Variants in CSTF2T observed in about 807,000 individuals in gnomAD.
CSTF2T encodes cleavage stimulation factor subunit 2 tau variant.
CSTF2T carries 18 observed loss-of-function variants against 39.9 expected under a neutral mutation model. The ratio of observed to expected loss-of-function variants is 0.45; its 90% CI spans 0.31 to 0.67. CSTF2T has a LOEUF of 0.67. Ranked by LOEUF, CSTF2T falls within the 30% of genes least tolerant of loss-of-function variation. CSTF2T has a pLI of 0.06. For synonymous variants in CSTF2T, 291 were observed against 276.4 expected (o/e 1.05, Z -0.52); for missense variants, 681 against 789.0 (o/e 0.86, Z 1.64).
Position 51,695,983 on chromosome 10 carries a change from A to G in CSTF2T, c.*1716T>C, listed in dbSNP as rs1356527289. The G allele has an allele frequency of 6.6e-6, 1 of 152,166 alleles. No homozygotes were observed. Among genetic ancestry groups the G allele is most frequent in the African/African-American group, 2.4e-5 (1 of 41,430 alleles). The allele number at this position is 152,166 out of a possible 1,614,324, so 9.4% of individuals were successfully genotyped here. A position where few individuals can be genotyped will look rare whatever the true frequency, so the allele number is the denominator to read the frequency against. Reference sequence around the variant, plus strand: ...TTATGATACCAACATTTATGTTCACATCCTCAAGGCTTTATTTTCAAGAAA... The same window carrying G: ...TTATGATACCAACATTTATGTTCACGTCCTCAAGGCTTTATTTTCAAGAAA... On this transcript the variant is annotated 3_prime_UTR_variant, in exon 1 of 1. Coordinates refer to ENST00000331173, the MANE Select transcript of CSTF2T (RefSeq NM_015235.3).
rs148622678 is a variant in CSTF2T at position 51,698,300 on chromosome 10, G to A, written c.1250C>T (p.Ala417Val). 3.5e-5 allele frequency: 57 copies of A among 1,614,000 alleles called. No individual in the cohort carries two copies. In the African/African-American group the frequency reaches 4.7e-4, roughly 13 times the overall value. The part of the protein sequence containing the change: ...MDGRGGRDSR[A>V]METRAMETEV... ...AGTTTCCATGGCACGAGTCTCCATC[G>A]CTCGAGAATCTCTACCACCTCTACC... The change falls in exon 1 of 1, where the codon GCG (alanine) becomes GTG (valine). Residue 417 changes from alanine to valine, a missense_variant. Ala to Val is a moderately conservative substitution (Grantham distance 64). This residue lies in a region of CSTF2T where 282 missense variants were observed against 289.2 expected (regional missense o/e 0.98). Coordinates refer to ENST00000331173, the MANE Select transcript of CSTF2T (RefSeq NM_015235.3).
chr10:51,698,194 G>A lies in CSTF2T; in HGVS notation c.1356C>T (p.Gly452=). 1 of 1,614,050 alleles carries A rather than the reference G, an allele frequency of 6.2e-7. No homozygotes were observed. Among genetic ancestry groups the A allele is most frequent in the Non-Finnish European group, 8.5e-7 (1 of 1,180,000 alleles). The part of the protein sequence containing the change: ...AMETRGMEAR[G]MDARGLEMRG... ...TCATCTCCAATCCTCTTGCATCCATGCCCCTTGCTTCCATCCCTCTGGTTT... is the reference window on the plus strand; with the variant it reads ...TCATCTCCAATCCTCTTGCATCCATACCCCTTGCTTCCATCCCTCTGGTTT... Residue 452 remains glycine, a synonymous_variant, in exon 1 of 1, where the codon GGC becomes GGT. Coordinates refer to ENST00000331173, the MANE Select transcript of CSTF2T (RefSeq NM_015235.3).
Position 51,696,336 on chromosome 10 carries a change from A to T in CSTF2T, c.*1363T>A, listed in dbSNP as rs1841292179. The T allele has an allele frequency of 6.6e-6, 1 of 152,028 alleles. No homozygotes were observed. The highest frequency in any genetic ancestry group is 1.5e-5 in the Non-Finnish European group (1 of 68,016). 9.4% of individuals were successfully genotyped at this position (152,028 alleles called of 1,614,324 possible). A position where few individuals can be genotyped will look rare whatever the true frequency, so the allele number is the denominator to read the frequency against. On this transcript the variant is annotated 3_prime_UTR_variant, in exon 1 of 1. Transcript: ENST00000331173. The stretch of plus-strand genomic sequence containing the variant: ...GAAAGCCAGATACCAAGAAACTGAG[A>T]GTTTTACTTAGTGAAACCTTCCACT...
At position 51,697,561 on chromosome 10, in the gene CSTF2T, G is replaced by A; in HGVS notation, c.*138C>T. The A allele has an allele frequency of 1.1e-5, 9 of 852,520 alleles. No individual in the cohort carries two copies. Among genetic ancestry groups the A allele is most frequent in the Admixed American group, 2.9e-5 (1 of 34,018 alleles). The allele number at this position is 852,520 out of a possible 1,614,324, so 52.8% of individuals were successfully genotyped here. ...AAAGGAAAACAGAAAGAAAGAAAAA[G>A]AACAAAAAATAAGATTAGGTTCTAG... On this transcript the variant is annotated 3_prime_UTR_variant, in exon 1 of 1. Transcript: ENST00000331173.
At position 51,697,765 on chromosome 10, in the gene CSTF2T, G is replaced by A. The variant is rs1454317507; in HGVS notation, c.1785C>T (p.Pro595=). 1 of 1,614,074 alleles carries A rather than the reference G, an allele frequency of 6.2e-7. No homozygotes were observed. The highest frequency in any genetic ancestry group is 1.7e-5 in the Admixed American group (1 of 60,016). ...TCAGGATACTCTGCCTTTGCTCAGG[G>A]GGCAGCATGGCAATCTGATCTGCAG... The part of the protein sequence containing the change: ...QLTADQIAML[P]PEQRQSILIL... The change falls in exon 1 of 1, where the codon CCC becomes CCT. Residue 595 remains proline, a synonymous_variant. Transcript: ENST00000331173.
chr10:51,698,890 CCCAGGGCCAGGG>C lies in CSTF2T; in HGVS notation c.648_659del (p.Pro217_Gly220del), dbSNP rs575311852. On this transcript the variant is annotated inframe_deletion, in exon 1 of 1. Coordinates refer to ENST00000331173, the MANE Select transcript of CSTF2T (RefSeq NM_015235.3). ...GCAGAACATTAGGTCCTGGGCAGAG[CCCAGGGCCAGGG>C]CCAGGGCCAGGGCCAGAGACAGACA... The C allele has an allele frequency of 5.6e-4, 898 of 1,613,932 alleles. 1 individual carries two copies. The highest frequency in any genetic ancestry group is 1.5e-3 in the Middle Eastern group (9 of 6,060).
Position 51,696,340 on chromosome 10 carries a change from T to C in CSTF2T, c.*1359A>G, listed in dbSNP as rs778030720. 9 of 151,962 alleles carry C rather than the reference T, an allele frequency of 5.9e-5. No homozygotes were observed. Among genetic ancestry groups the C allele is most frequent in the Non-Finnish European group, 1.3e-4 (9 of 68,008 alleles). 9.4% of individuals were successfully genotyped at this position (151,962 alleles called of 1,614,324 possible). Reference sequence around the variant, plus strand: ...GCCAGATACCAAGAAACTGAGAGTTTTACTTAGTGAAACCTTCCACTACTT... The same window carrying C: ...GCCAGATACCAAGAAACTGAGAGTTCTACTTAGTGAAACCTTCCACTACTT... On this transcript the variant is annotated 3_prime_UTR_variant, in exon 1 of 1. Coordinates refer to ENST00000331173, the MANE Select transcript of CSTF2T (RefSeq NM_015235.3).
At position 51,697,928 on chromosome 10, in the gene CSTF2T, CCTCCTTGTATACTGA is replaced by C. The variant is rs756336830; in HGVS notation, c.1607_1621del (p.Val536_Gly540del). On this transcript the variant is annotated inframe_deletion, in exon 1 of 1. Transcript: ENST00000331173. The stretch of plus-strand genomic sequence containing the variant: ...CTGTATACCTCCTCCTTGTATACCT[CCTCCTTGTATACTGA>C]CTCCTTGTATGCCTGCCCCCTGCAT... 1.3e-5 allele frequency: 21 copies of C among 1,598,870 alleles called. No individual in the cohort carries two copies. The highest frequency in any genetic ancestry group is 6.8e-5 in the African/African-American group (5 of 74,022).
Position 51,699,366 on chromosome 10 carries a change from A to G in CSTF2T, c.184T>C (p.Cys62Arg). Residue 62 changes from cysteine (C) to arginine (R), a missense_variant, in exon 1 of 1, where the codon TGC becomes CGC. Physicochemically the swap from Cys to Arg is radical, Grantham distance 180. This residue lies in a region of CSTF2T where 65 missense variants were observed against 134.2 expected (regional missense o/e 0.48). Coordinates refer to ENST00000331173, the MANE Select transcript of CSTF2T (RefSeq NM_015235.3). ...GCGGTCTCCTGGTCTTGGTATTCGC[A>G]GAAGCCATAGCCCTTGGGTTTTCCC... is the stretch of plus-strand genomic sequence containing the variant. ...ETGKPKGYGF[C>R]EYQDQETALS... The G allele has an allele frequency of 6.2e-7, 1 of 1,614,154 alleles. No homozygotes were observed. Among genetic ancestry groups the G allele is most frequent in the Admixed American group, 1.7e-5 (1 of 60,014 alleles).
chr10:51,698,460 T>C lies in CSTF2T; in HGVS notation c.1090A>G (p.Met364Val), dbSNP rs1841367065. 1 of 1,613,900 alleles carries C rather than the reference T, an allele frequency of 6.2e-7. No homozygotes were observed. The highest frequency in any genetic ancestry group is 1.3e-5 in the African/African-American group (1 of 74,902). Residue 364 changes from methionine (M) to valine (V), a missense_variant, in exon 1 of 1, where the codon ATG becomes GTG. Physicochemically the swap from Met to Val is conservative, Grantham distance 21. Around this residue, in one of 4 missense-constraint regions of CSTF2T, gnomAD observed 329 missense variants for 344.1 expected, o/e 0.96. Coordinates refer to ENST00000331173, the MANE Select transcript of CSTF2T (RefSeq NM_015235.3). Reference protein sequence around the residue: ...YLGPPHQGPPMHHASGHDTRG... With the variant: ...YLGPPHQGPPVHHASGHDTRG... Reference sequence around the variant, plus strand: ...GTGTCATGACCAGAGGCATGATGCATGGGGGGACCCTGATGGGGTGGACCC... The same window carrying C: ...GTGTCATGACCAGAGGCATGATGCACGGGGGGACCCTGATGGGGTGGACCC...
rs751541531 is a variant in CSTF2T, at chr10:51,699,592, G to A, written c.-43C>T. ...CAGCCGATAGCGGATTCTTCGAGGC[G>A]TCTGTCCTCTTGCGACCGACACTTC... On this transcript the variant is annotated 5_prime_UTR_variant, in exon 1 of 1. The change creates a new upstream start codon in the 5' untranslated region. Coordinates refer to ENST00000331173, the MANE Select transcript of CSTF2T (RefSeq NM_015235.3). 1.3e-6 allele frequency: 2 copies of A among 1,567,170 alleles called. No individual in the cohort carries two copies. The highest frequency in any genetic ancestry group is 2.4e-5 in the South Asian group (2 of 84,066).
Position 51,698,407 on chromosome 10 carries a change from C to T in CSTF2T, c.1143G>A (p.Arg381=), listed in dbSNP as rs3824686. 0.069 allele frequency: 111,150 copies of T among 1,613,972 alleles called. 4,408 individuals are homozygous for T. Among genetic ancestry groups the T allele is most frequent in the East Asian group, 0.15 (6,762 of 44,828 alleles). The change falls in exon 1 of 1, where the codon AGG becomes AGA. Residue 381 remains arginine, a synonymous_variant. Transcript: ENST00000331173. Reference sequence around the variant, plus strand: ...GTCTGGGATCTCCTAATGGCCCTCCCCTCATCTCATGTGAGGAAGGGCCAC... The same window carrying T: ...GTCTGGGATCTCCTAATGGCCCTCCTCTCATCTCATGTGAGGAAGGGCCAC... ...DTRGPSSHEM[R]GGPLGDPRLL...
At position 51,699,085 on chromosome 10, in the gene CSTF2T, G is replaced by A. The variant is rs778132324; in HGVS notation, c.465C>T (p.His155=). 3 of 1,614,178 alleles carry A rather than the reference G, an allele frequency of 1.9e-6. No homozygotes were observed. The highest frequency in any genetic ancestry group is 4.5e-5 in the East Asian group (2 of 44,876). The change falls in exon 1 of 1, where the codon CAC becomes CAT. Residue 155 remains histidine, a synonymous_variant. Transcript: ENST00000331173. ...GAAGTAACATGTTTCGAGCTTCCTG[G>A]TGGCTGTTTTGGACACAGAGCTTCA... is the stretch of plus-strand genomic sequence containing the variant. The part of the protein sequence containing the change: ...KQMKLCVQNS[H]QEARNMLLQN...
At position 51,695,658 on chromosome 10, in the gene CSTF2T, C is replaced by T. The variant is rs960355946; in HGVS notation, c.*2041G>A. On this transcript the variant is annotated 3_prime_UTR_variant, in exon 1 of 1. Transcript: ENST00000331173. ...GAATTAGTATTAAGCATAACTATCA[C>T]ATATGTAAACGCGAGTTATCCTCTC... is the stretch of plus-strand genomic sequence containing the variant. 1.3e-5 allele frequency: 2 copies of T among 152,164 alleles called. No individual in the cohort carries two copies. The highest frequency in any genetic ancestry group is 4.8e-5 in the African/African-American group (2 of 41,444). The allele number at this position is 152,164 out of a possible 1,614,324, so 9.4% of individuals were successfully genotyped here. A position where few individuals can be genotyped will look rare whatever the true frequency, so the allele number is the denominator to read the frequency against.
chr10:51,697,331 G>A lies in CSTF2T; in HGVS notation c.*368C>T, dbSNP rs73343318. The A allele has an allele frequency of 0.015, 2,921 of 193,936 alleles. 99 individuals are homozygous for A. Among genetic ancestry groups the A allele is most frequent in the African/African-American group, 0.063 (2,699 of 42,646 alleles). 12.0% of individuals were successfully genotyped at this position (193,936 alleles called of 1,614,324 possible). A position where few individuals can be genotyped will look rare whatever the true frequency, so the allele number is the denominator to read the frequency against. On this transcript the variant is annotated 3_prime_UTR_variant, in exon 1 of 1. Transcript: ENST00000331173. Reference sequence around the variant, plus strand: ...ATCTTAGTACATTAACGTTTTAACAGGTCAACTTTTAGTCTTTATGAGCAG... The same window carrying A: ...ATCTTAGTACATTAACGTTTTAACAAGTCAACTTTTAGTCTTTATGAGCAG...
chr10:51,699,487 C>T lies in CSTF2T; in HGVS notation c.63G>A (p.Gly21=). 4 of 1,613,714 alleles carry T rather than the reference C, an allele frequency of 2.5e-6. No individual in the cohort carries two copies. Among genetic ancestry groups the T allele is most frequent in the Non-Finnish European group, 3.4e-6 (4 of 1,179,934 alleles). ...MDRSLRSVFV[G]NIPYEATEEQ... ...CCTCAGTTGCCTCATATGGAATGTT[C>T]CCCACGAACACGGAACGCAGTGATC... The change falls in exon 1 of 1, where the codon GGG becomes GGA. Residue 21 remains glycine, a synonymous_variant. Coordinates refer to ENST00000331173, the MANE Select transcript of CSTF2T (RefSeq NM_015235.3).
Position 51,699,143 on chromosome 10 carries a change from G to C in CSTF2T, c.407C>G (p.Pro136Arg). The C allele has an allele frequency of 6.2e-7, 1 of 1,614,176 alleles. No homozygotes were observed. Among genetic ancestry groups the C allele is most frequent in the Non-Finnish European group, 8.5e-7 (1 of 1,180,024 alleles). The change falls in exon 1 of 1, where the codon CCC (proline) becomes CGC (arginine). Residue 136 changes from proline to arginine, a missense_variant. By Grantham distance (103) the Pro-to-Arg change is moderately radical (BLOSUM62 -2). Coordinates refer to ENST00000331173, the MANE Select transcript of CSTF2T (RefSeq NM_015235.3). ...CATCAGCTCAAACATCTGCTCCGGG[G>C]GGAGACTGGCTACTGCTCTGGTAAT... The part of the protein sequence containing the change: ...ESITRAVASL[P>R]PEQMFELMKQ...
Position 51,699,137 on chromosome 10 carries a change from T to G in CSTF2T, c.413A>C (p.Glu138Ala). Reference sequence around the variant, plus strand: ...CTGCTTCATCAGCTCAAACATCTGCTCCGGGGGGAGACTGGCTACTGCTCT... The same window carrying G: ...CTGCTTCATCAGCTCAAACATCTGCGCCGGGGGGAGACTGGCTACTGCTCT... ...ITRAVASLPP[E>A]QMFELMKQMK... The change falls in exon 1 of 1, where the codon GAG (glutamate) becomes GCG (alanine). Residue 138 changes from glutamate (E) to alanine (A), a missense_variant. Transcript: ENST00000331173. 1 of 1,614,186 alleles carries G rather than the reference T, an allele frequency of 6.2e-7. No individual in the cohort carries two copies. Among genetic ancestry groups the G allele is most frequent in the East Asian group, 2.2e-5 (1 of 44,870 alleles).
In CSTF2T at chr10:51,698,290, A is replaced by T; in HGVS notation, c.1260T>A (p.Thr420=). The change falls in exon 1 of 1, where the codon ACT becomes ACA. Residue 420 remains threonine (T), a synonymous_variant. Transcript: ENST00000331173. ...CTAAGACCTCAGTTTCCATGGCACG[A>T]GTCTCCATCGCTCGAGAATCTCTAC... The part of the protein sequence containing the change: ...RGGRDSRAME[T]RAMETEVLET... 1 of 1,614,020 alleles carries T rather than the reference A, an allele frequency of 6.2e-7. No individual in the cohort carries two copies. The highest frequency in any genetic ancestry group is 8.5e-7 in the Non-Finnish European group (1 of 1,179,982).
Sources: gnomAD v4.1 joint callset for allele counts on GRCh38, gnomAD v4.1.1 for gene constraint, gnomAD v4.1.1 regional missense constraint, MANE v1.5 for transcripts, NCBI Gene and HGNC (gene_info 2026-07-23, HGNC 2026-07-21) for gene names.